Variants in PCYT1A observed in about 807,000 individuals in gnomAD.
PCYT1A encodes phosphate cytidylyltransferase 1A, choline.
Under a neutral mutation model 43.7 loss-of-function variants are expected in PCYT1A, and 25 were observed. The observed-to-expected ratio is 0.57, with a 90% CI of 0.42 to 0.80. PCYT1A has a LOEUF of 0.80. PCYT1A is among the 30% of genes least tolerant of loss of function. The pLI is 0.00. For synonymous variants in PCYT1A, 172 were observed against 170.7 expected (o/e 1.01, Z -0.06); for missense variants, 421 against 474.2 (o/e 0.89, Z 1.04).
chr3:196,252,488 G>A lies in PCYT1A; in HGVS notation c.218-4165C>T, dbSNP rs1049166596. On this transcript the variant is annotated intron_variant, in intron 3 of 8. Transcript: ENST00000431016. The surrounding 1 kb of genome is among the most constrained non-coding windows in gnomAD (Gnocchi z 4.0). The stretch of plus-strand genomic sequence containing the variant: ...TTTCCTGACCTCAAGTGATCTGCCC[G>A]CCTTGGCCTCCCGAAGTTCTGGGAT... Among the ~76,000 whole-genome samples the A allele has an allele frequency of 3.9e-5, 6 of 152,270 alleles. No homozygotes were observed. Among genetic ancestry groups the A allele is most frequent in the South Asian group, 2.1e-4 (1 of 4,820 alleles).
chr3:196,285,803 C>T (rs959694759), intron 1 of PCYT1A, among the ~76,000 whole-genome samples: 2 of 152,166 alleles, frequency 1.3e-5, no homozygotes, highest in East Asian at 1.9e-4. Flanking sequence ...TGCACTAAAT[C>T]CCATTCTCAA....
At chr3:196,276,438 T>C (rs1725592926) in intron 1 of PCYT1A, among the ~76,000 whole-genome samples, 1 of 151,598 alleles carries the variant, frequency 6.6e-6, no homozygotes, top group Non-Finnish European at 1.5e-5. Context: ...ACTCCATCTC[T>C]ACAAAAATAC....
intron 1 of PCYT1A, among the ~76,000 whole-genome samples, chr3:196,278,573 G>A (rs12637288): frequency 0.57 from 85,944 of 151,890 alleles, 25,183 homozygotes; most frequent in East Asian, 0.82. Context: ...AATGAGACAG[G>A]AAGAAAAGTA....
chr3:196,265,610 G>T (rs1412557599), intron 2 of PCYT1A, among the ~76,000 whole-genome samples: 1 of 152,116 alleles, frequency 6.6e-6, no homozygotes, highest in Non-Finnish European at 1.5e-5. Flanking sequence ...TTACATGCAA[G>T]GAAAGTACTT....
intron 2 of PCYT1A, among the ~76,000 whole-genome samples, chr3:196,265,715 G>A (rs962337410): frequency 2.2e-4 from 34 of 151,896 alleles, no homozygotes; most frequent in African/African-American, 7.0e-4. Context: ...TTGAGCCCAG[G>A]GCAACAGAGC....
At chr3:196,248,032 C>T (rs1724624265) in intron 4 of PCYT1A, 175 bp downstream of exon 4, 1 of 618,350 alleles carries the variant, frequency 1.6e-6, no homozygotes, top group African/African-American at 1.8e-5. Context: ...GAGCTTGAAG[C>T]TCCTCTCTCC....
chr3:196,280,298 G>A (rs1725727815), intron 1 of PCYT1A, among the ~76,000 whole-genome samples: 1 of 152,196 alleles, frequency 6.6e-6, no homozygotes, highest in Non-Finnish European at 1.5e-5. Context: ...CCCCTAGAGA[G>A]TATGGACCCT....
intron 1 of PCYT1A, among the ~76,000 whole-genome samples, chr3:196,284,374 T>C (rs1384653717): frequency 6.6e-6 from 1 of 152,206 alleles, no homozygotes; most frequent in African/African-American, 2.4e-5. Flanking sequence ...TGGAGTCAGA[T>C]GGTTTACAAA....
intron 1 of PCYT1A, among the ~76,000 whole-genome samples, chr3:196,272,420 G>A (rs1456081612): frequency 6.6e-5 from 10 of 152,112 alleles, no homozygotes; most frequent in Admixed American, 2.6e-4. Flanking sequence ...ACCTGACCTC[G>A]TGATCCACCT....
chr3:196,242,891 C>T lies in PCYT1A; in HGVS notation c.487-251G>A. 3.9e-6 allele frequency: 2 copies of T among 515,696 alleles called. No individual in the cohort carries two copies. The highest frequency in any genetic ancestry group is 1.9e-5 in the African/African-American group (1 of 52,036). The allele number at this position is 515,696 out of a possible 1,614,324, so 31.9% of individuals were successfully genotyped here. Reference sequence around the variant, plus strand: ...TCTCCTAGTCTGCTAGAACTGTTACCCTCACTCTGTATACCAGTCATCTTG... The same window carrying T: ...TCTCCTAGTCTGCTAGAACTGTTACTCTCACTCTGTATACCAGTCATCTTG... On this transcript the variant is annotated intron_variant, in intron 5 of 8. Transcript: ENST00000431016. The surrounding 1 kb of genome is among the most constrained non-coding windows in gnomAD (Gnocchi z 4.2).
At chr3:196,256,091 C>T (rs1454333551) in intron 3 of PCYT1A, among the ~76,000 whole-genome samples, 2 of 152,196 alleles carry the variant, frequency 1.3e-5, no homozygotes, top group Admixed American at 6.5e-5. Context: ...ACTATATCTA[C>T]ACATTTTTTC....
rs989746584 is a variant in PCYT1A at position 196,268,045 on chromosome 3, T to C, written c.117+2370A>G. On this transcript the variant is annotated intron_variant, in intron 2 of 8. Coordinates refer to ENST00000431016, the MANE Select transcript of PCYT1A (RefSeq NM_001312673.2). This position sits in a 1 kb window ranked among gnomAD's most constrained non-coding sequence, Gnocchi z 4.4. Reference sequence around the variant, plus strand: ...GTTTCAGGGAGGAATGTGGAATAGGTAGCAGCAAGTCACTGAACTGATTTC... The same window carrying C: ...GTTTCAGGGAGGAATGTGGAATAGGCAGCAGCAAGTCACTGAACTGATTTC... Among the ~76,000 whole-genome samples the C allele has an allele frequency of 2.6e-5, 4 of 151,982 alleles. No individual in the cohort carries two copies. The highest frequency in any genetic ancestry group is 4.4e-5 in the Non-Finnish European group (3 of 68,022).
chr3:196,275,388 C>T (rs1221076108), intron 1 of PCYT1A, among the ~76,000 whole-genome samples: 1 of 152,098 alleles, frequency 6.6e-6, no homozygotes, highest in African/African-American at 2.4e-5. Flanking sequence ...AAGAGATGGA[C>T]AGAAGAGGGT....
At chr3:196,246,924 C>T (rs1321964904) in intron 5 of PCYT1A, among the ~76,000 whole-genome samples, 3 of 150,984 alleles carry the variant, frequency 2.0e-5, no homozygotes, top group African/African-American at 7.3e-5. Flanking sequence ...CCCAGCCCTG[C>T]CAGTGGTGTA....
intron 2 of PCYT1A, among the ~76,000 whole-genome samples, chr3:196,265,981 C>T (rs1404760966): frequency 1.3e-5 from 2 of 149,952 alleles, no homozygotes; most frequent in Non-Finnish European, 3.0e-5. Flanking sequence ...TCAGGTGATC[C>T]GCCCACCTCA....
At position 196,268,470 on chromosome 3, in the gene PCYT1A, G is replaced by A. The variant is rs980322176; in HGVS notation, c.117+1945C>T. ...CACCCATTCCCTGGAGCCTGTGACT[G>A]TTTTACCATACATGGCAAAAGAGAC... On this transcript the variant is annotated intron_variant, in intron 2 of 8. Coordinates refer to ENST00000431016, the MANE Select transcript of PCYT1A (RefSeq NM_001312673.2). The surrounding 1 kb of genome is among the most constrained non-coding windows in gnomAD (Gnocchi z 4.4). 3.9e-5 allele frequency among the ~76,000 whole-genome samples: 6 copies of A among 152,144 alleles called. No homozygotes were observed. Among genetic ancestry groups the A allele is most frequent in the Admixed American group, 2.6e-4 (4 of 15,266 alleles).
intron 2 of PCYT1A, among the ~76,000 whole-genome samples, chr3:196,260,806 T>C (rs1725087093): frequency 6.6e-6 from 1 of 152,092 alleles, no homozygotes; most frequent in Non-Finnish European, 1.5e-5. Flanking sequence ...TGTGCTACCG[T>C]ACTCGTCTGG....
At chr3:196,283,518 G>T (rs1725826514) in intron 1 of PCYT1A, 1 of 152,044 alleles carries the variant, frequency 6.6e-6, no homozygotes, top group South Asian at 2.1e-4. Flanking sequence ...TTTATCTTCT[G>T]AGGTGGCGCT....
intron 2 of PCYT1A, among the ~76,000 whole-genome samples, chr3:196,261,062 A>G (rs1042672842): frequency 1.3e-5 from 2 of 152,216 alleles, no homozygotes; most frequent in African/African-American, 4.8e-5. Context: ...ACATTATGCC[A>G]AAAAAGGAAG....
Sources: allele counts gnomAD v4.1 joint callset (sites outside exome capture counted in the v4.1 genomes callset), GRCh38; gene constraint gnomAD v4.1.1; non-coding constraint Gnocchi (gnomAD v3.1); transcripts MANE v1.5; gene names NCBI Gene and HGNC (gene_info 2026-07-23, HGNC 2026-07-21).